OR1J2: variants seen among roughly 807,000 people sequenced by gnomAD.
OR1J2 encodes the protein olfactory receptor 1J2.
For missense variants in OR1J2, 304 were observed against 246.1 expected, an observed-to-expected ratio of 1.24 and a Z score of -1.57; for synonymous variants, 142 against 99.7, an observed-to-expected ratio of 1.42 and a Z score of -2.52.
At chr9:122,569,963 AATG>A in the OR1J2 span, among the ~76,000 whole-genome samples, 1 of 150,272 alleles carries the variant, frequency 6.7e-6, no homozygotes, top group Non-Finnish European at 1.5e-5. Context: ...GTTTACTGAG[AATG>A]ATGATTTCCA....
At chr9:122,462,261 G>T in the OR1J2 span, among the ~76,000 whole-genome samples, 6 of 151,970 alleles carry the variant, frequency 3.9e-5, no homozygotes, top group African/African-American at 1.2e-4. Flanking sequence ...GTGTCCATTT[G>T]CATGGAATAG....
chr9:122,561,674 G>A, the OR1J2 span, among the ~76,000 whole-genome samples: 3 of 152,250 alleles, frequency 2.0e-5, no homozygotes, highest in African/African-American at 7.2e-5. Flanking sequence ...GATGTCACTG[G>A]GGGAAGCTGG....
chr9:122,527,831 C>T, the OR1J2 span, among the ~76,000 whole-genome samples: 1 of 152,316 alleles, frequency 6.6e-6, no homozygotes, highest in African/African-American at 2.4e-5. Flanking sequence ...CATCATCATC[C>T]TGTAGCTAAC....
At chr9:122,533,453 A>T in the OR1J2 span, among the ~76,000 whole-genome samples, 3 of 151,966 alleles carry the variant, frequency 2.0e-5, no homozygotes, top group African/African-American at 7.3e-5. Flanking sequence ...GTTGCTAAGG[A>T]GGGAGTAGAG....
chr9:122,546,376 T>C, the OR1J2 span, among the ~76,000 whole-genome samples: 1 of 152,092 alleles, frequency 6.6e-6, no homozygotes, highest in Non-Finnish European at 1.5e-5. Flanking sequence ...GAAAGTGAGA[T>C]TCTGGGATTT....
chr9:122,572,613 C>T, the OR1J2 span, among the ~76,000 whole-genome samples: 1 of 150,792 alleles, frequency 6.6e-6, no homozygotes, highest in African/African-American at 2.4e-5. Context: ...TTTTGCTGCT[C>T]TCAAAGCATG....
At chr9:122,495,272 A>G in the OR1J2 span, among the ~76,000 whole-genome samples, 2 of 152,184 alleles carry the variant, frequency 1.3e-5, no homozygotes, top group Non-Finnish European at 2.9e-5. Context: ...TATTCCTTCA[A>G]ATATGTTTCC....
At chr9:122,483,174 C>A in the OR1J2 span, among the ~76,000 whole-genome samples, 1 of 152,112 alleles carries the variant, frequency 6.6e-6, no homozygotes, top group East Asian at 1.9e-4. Flanking sequence ...AATCGTTCAT[C>A]TATTTGAACA....
At chr9:122,477,632 A>G in the OR1J2 span, 1 of 1,614,220 alleles carries the variant, frequency 6.2e-7, no homozygotes. Context: ...TATGTCTGTG[A>G]AATGCATCCC....
upstream of OR1J2, among the ~76,000 whole-genome samples, chr9:122,510,060 A>G (rs1828603546): frequency 6.6e-6 from 1 of 152,126 alleles, no homozygotes; most frequent in African/African-American, 2.4e-5. Flanking sequence ...TACCTAGGTG[A>G]TGGGTTGATA....
the OR1J2 span, chr9:122,568,415 C>T: frequency 6.2e-7 from 1 of 1,613,328 alleles, no homozygotes. Flanking sequence ...GGTCCTCAGG[C>T]CGGGAGGAGA....
chr9:122,457,601 C>A, the OR1J2 span, among the ~76,000 whole-genome samples: 1 of 150,038 alleles, frequency 6.7e-6, no homozygotes, highest in Non-Finnish European at 1.5e-5. Flanking sequence ...CAGGAATTGT[C>A]CTGAAAGAAG....
At chr9:122,536,338 T>G in the OR1J2 span, among the ~76,000 whole-genome samples, 1 of 152,220 alleles carries the variant, frequency 6.6e-6, no homozygotes, top group Non-Finnish European at 1.5e-5. Context: ...TGACTTATCT[T>G]TAAAGAATTC....
chr9:122,549,124 C>T, the OR1J2 span, among the ~76,000 whole-genome samples: 2 of 151,950 alleles, frequency 1.3e-5, no homozygotes, highest in South Asian at 4.2e-4. Context: ...GGATGTGGGG[C>T]CTAGTGAGAG....
downstream of OR1J2, among the ~76,000 whole-genome samples, chr9:122,515,352 T>TTTGTGTGTG (rs1554732982): frequency 7.4e-6 from 1 of 135,714 alleles, no homozygotes; most frequent in Non-Finnish European, 1.6e-5. Flanking sequence ...CAGGAGCAGG[T>TTTGTGTGTG]TGTGTGTGTG....
the OR1J2 span, among the ~76,000 whole-genome samples, chr9:122,504,612 A>G: frequency 6.6e-6 from 1 of 152,122 alleles, no homozygotes; most frequent in Non-Finnish European, 1.5e-5. Flanking sequence ...CATGTTTTTC[A>G]CCAGTCCTAC....
At chr9:122,554,288 T>TAAAA in the OR1J2 span, 4 of 548,432 alleles carry the variant, frequency 7.3e-6, no homozygotes, top group African/African-American at 2.0e-5. Flanking sequence ...GTTAGGGATG[T>TAAAA]AAAAAAAAAA....
the OR1J2 span, among the ~76,000 whole-genome samples, chr9:122,454,730 G>A: frequency 1.9e-4 from 29 of 152,160 alleles, 1 homozygote; most frequent in Non-Finnish European, 3.1e-4. Context: ...AAAGGCAAAC[G>A]AAGATGGGAA....
chr9:122,555,671 A>T, the OR1J2 span, among the ~76,000 whole-genome samples: 100 of 152,326 alleles, frequency 6.6e-4, no homozygotes, highest in African/African-American at 2.4e-3. Context: ...TGAAATTTGT[A>T]GGGCAGGCTG....
Sources: allele counts gnomAD v4.1 joint callset (sites outside exome capture counted in the v4.1 genomes callset), GRCh38; gene constraint gnomAD v4.1.1; transcripts MANE v1.5; gene names NCBI Gene and HGNC (gene_info 2026-07-23, HGNC 2026-07-21).